The following SHANK2 variants were observed in gnomAD, a reference collection of about 807,000 sequenced individuals.
The protein encoded by SHANK2 is SH3 and multiple ankyrin repeat domains protein 2.
Under a neutral mutation model 133.7 loss-of-function variants are expected in SHANK2, and 43 were observed. That is an observed-to-expected ratio of 0.32 (90% CI 0.25 to 0.41). The LOEUF (loss-of-function observed/expected upper bound fraction) is 0.41. Ranked by LOEUF, SHANK2 falls within the 10% of genes least tolerant of loss-of-function variation. The pLI, the probability that SHANK2 is intolerant of heterozygous loss-of-function variation, is 1.00. For synonymous variants in SHANK2, 1,017 were observed against 952.8 expected (o/e 1.07, Z -1.24); for missense variants, 1,994 against 2,235.8 (o/e 0.89, Z 2.18).
At chr11:70,663,851 G>T (rs1391518710) in intron 15 of SHANK2, among the ~76,000 whole-genome samples, 1 of 152,334 alleles carries the variant, frequency 6.6e-6, no homozygotes, top group East Asian at 1.9e-4. Flanking sequence ...GCCTGGGGGT[G>T]AGGTCACATG....
intron 11 of SHANK2, among the ~76,000 whole-genome samples, chr11:70,857,335 A>G (rs1262511593): frequency 6.6e-5 from 10 of 151,990 alleles, no homozygotes; most frequent in Non-Finnish European, 1.3e-4. Context: ...CCCAGTAAAT[A>G]CTCAATGTAC....
chr11:70,524,450 C>T (rs1000185826), intron 17 of SHANK2, among the ~76,000 whole-genome samples: 2 of 152,214 alleles, frequency 1.3e-5, no homozygotes, highest in Non-Finnish European at 2.9e-5. Flanking sequence ...GGTACAACCC[C>T]AGACACTCGG....
At chr11:70,490,458 A>G (rs2058871108) in intron 22 of SHANK2, 71 bp from the exon 23 acceptor site, 4 of 1,303,066 alleles carry the variant, frequency 3.1e-6, no homozygotes, top group Non-Finnish European at 4.5e-6. Flanking sequence ...GGGCCCAGAG[A>G]CCACAAGGGA....
rs782452795 is a variant in SHANK2 at position 70,486,906 on chromosome 11, C to T, written c.3387G>A (p.Glu1129=). The change falls in exon 25 of 26, where the codon GAG becomes GAA. Residue 1129 remains glutamate, a synonymous_variant. Coordinates refer to ENST00000601538, the MANE Select transcript of SHANK2 (RefSeq NM_012309.5). This position sits in a 1 kb window ranked among gnomAD's most constrained non-coding sequence, Gnocchi z 8.0. ...CGCTGTCCTCGTCAGCAAAATCCCC[C>T]TCCTCGGGGAACATGGAGGGCCGCG... is the stretch of plus-strand genomic sequence containing the variant. The part of the protein sequence containing the change: ...PRTRPSMFPE[E]GDFADEDSAE... 9 of 1,612,558 alleles carry T rather than the reference C, an allele frequency of 5.6e-6. No homozygotes were observed. Among genetic ancestry groups the T allele is most frequent in the Admixed American group, 1.7e-5 (1 of 60,010 alleles).
At chr11:70,736,035 C>A (rs1183640560) in intron 14 of SHANK2, among the ~76,000 whole-genome samples, 5 of 151,584 alleles carry the variant, frequency 3.3e-5, no homozygotes, top group Admixed American at 3.3e-4. Context: ...TCCTCCACAG[C>A]CACTAGAGTA....
chr11:70,872,520 G>T (rs1161064287), intron 11 of SHANK2, among the ~76,000 whole-genome samples: 1 of 152,028 alleles, frequency 6.6e-6, no homozygotes, highest in East Asian at 2.0e-4. Flanking sequence ...GGTGGACACA[G>T]TGGGTGCAAA....
chr11:70,789,893 C>T (rs1270772878), intron 14 of SHANK2, among the ~76,000 whole-genome samples: 1 of 152,174 alleles, frequency 6.6e-6, no homozygotes, highest in Non-Finnish European at 1.5e-5. Context: ...ATAGTCAAGT[C>T]TTTTGTTTGT....
At chr11:70,539,200 C>A (rs1020157338) in intron 17 of SHANK2, among the ~76,000 whole-genome samples, 2 of 152,138 alleles carry the variant, frequency 1.3e-5, no homozygotes, top group Non-Finnish European at 2.9e-5. Flanking sequence ...CGTGCACGGC[C>A]GACCCCAGGA....
chr11:71,154,450 G>A (rs1295741122), intron 2 of SHANK2, among the ~76,000 whole-genome samples: 20 of 152,314 alleles, frequency 1.3e-4, no homozygotes, highest in African/African-American at 3.6e-4. Flanking sequence ...GAGGCCAGCC[G>A]GGCAGAAGAG....
intron 21 of SHANK2, among the ~76,000 whole-genome samples, chr11:70,494,823 C>T (rs2058946063): frequency 6.6e-6 from 1 of 152,158 alleles, no homozygotes; most frequent in Non-Finnish European, 1.5e-5. Flanking sequence ...CCCCCCACAG[C>T]ACTCTCTCCC....
At chr11:70,494,697 C>T (rs782139603) in intron 21 of SHANK2, among the ~76,000 whole-genome samples, 2 of 152,222 alleles carry the variant, frequency 1.3e-5, no homozygotes, top group Non-Finnish European at 2.9e-5. Context: ...TGGGGCCCTT[C>T]AGGGAGGTGT....
intron 9 of SHANK2, among the ~76,000 whole-genome samples, chr11:71,071,995 C>T (rs946499706): frequency 3.3e-5 from 5 of 152,148 alleles, no homozygotes; most frequent in Admixed American, 2.0e-4. Context: ...GCTGCTCTGC[C>T]GCTTAGTGTA....
chr11:70,650,600 C>A (rs529049700), intron 17 of SHANK2, among the ~76,000 whole-genome samples: 1 of 152,308 alleles, frequency 6.6e-6, no homozygotes, highest in South Asian at 2.1e-4. Flanking sequence ...ACAACCCAGG[C>A]CCCCACTAGA....
chr11:70,939,455 G>C (rs1218920878), intron 10 of SHANK2, among the ~76,000 whole-genome samples: 4 of 152,114 alleles, frequency 2.6e-5, no homozygotes, highest in African/African-American at 9.7e-5. Context: ...TCCAGCCTGG[G>C]CAACAGAGTG....
intron 6 of SHANK2, among the ~76,000 whole-genome samples, chr11:71,106,897 G>C (rs782266702): frequency 1.8e-4 from 28 of 152,080 alleles, no homozygotes; most frequent in Non-Finnish European, 3.1e-4. Flanking sequence ...GGCCGAGGCC[G>C]GTGATCACTT....
In SHANK2 at chr11:71,178,875, C is replaced by G. The variant is rs901711272; in HGVS notation, c.-12-31537G>C. The stretch of plus-strand genomic sequence containing the variant: ...GTGCACGCCTGTAATCCCAGCTACT[C>G]AGCAGGCTGAGGCATGAGAGTCACT... On this transcript the variant is annotated intron_variant, in intron 2 of 25. Transcript: ENST00000601538. Among the ~76,000 whole-genome samples the G allele has an allele frequency of 3.3e-5, 5 of 152,078 alleles. No homozygotes were observed. In the East Asian group the frequency reaches 9.6e-4, roughly 29 times the overall value.
intron 11 of SHANK2, chr11:70,826,584 C>T (rs1171702637): frequency 2.1e-6 from 1 of 470,256 alleles, no homozygotes; most frequent in Non-Finnish European, 4.4e-6. Flanking sequence ...AGCCCGGCCC[C>T]TCGGTGCTAG....
chr11:71,252,948 C>A (rs2135855111), upstream of SHANK2, among the ~76,000 whole-genome samples: 1 of 152,372 alleles, frequency 6.6e-6, no homozygotes, highest in South Asian at 2.1e-4. This position sits in a 1 kb window ranked among gnomAD's most constrained non-coding sequence, Gnocchi z 6.3. Flanking sequence ...AGCTGGCTCC[C>A]GCCACAGAGT....
At chr11:70,576,337 G>C (rs1389777455) in intron 17 of SHANK2, among the ~76,000 whole-genome samples, 1 of 152,086 alleles carries the variant, frequency 6.6e-6, no homozygotes, top group African/African-American at 2.4e-5. Context: ...TGCCAGTGGG[G>C]AGCACTGGAC....
Sources: allele counts gnomAD v4.1 joint callset (sites outside exome capture counted in the v4.1 genomes callset), GRCh38; gene constraint gnomAD v4.1.1; non-coding constraint Gnocchi (gnomAD v3.1); transcripts MANE v1.5; gene names NCBI Gene and HGNC (gene_info 2026-07-23, HGNC 2026-07-21).